ENTPD5: variants seen among roughly 807,000 people sequenced by gnomAD.
ENTPD5 encodes the protein ectonucleoside triphosphate diphosphohydrolase 5 (inactive), also known as nucleoside diphosphate phosphatase ENTPD5.
Under a neutral mutation model 60.2 loss-of-function variants are expected in ENTPD5, and 49 were observed. That is an observed-to-expected ratio of 0.81 (90% CI 0.65 to 1.03). The LOEUF (loss-of-function observed/expected upper bound fraction) is 1.03, where lower values mean the gene tolerates loss of function less well. Ranked by LOEUF, ENTPD5 falls within the 50% of genes least tolerant of loss-of-function variation. ENTPD5 has a pLI of 0.00. For missense variants in ENTPD5, 480 were observed against 507.6 expected, an observed-to-expected ratio of 0.95 and a Z score of 0.52; for synonymous variants, 187 against 185.4, an observed-to-expected ratio of 1.01 and a Z score of -0.07.
At chr14:74,002,376 C>T (rs77880855) in intron 3 of ENTPD5, among the ~76,000 whole-genome samples, 1 of 152,148 alleles carries the variant, frequency 6.6e-6, no homozygotes, top group East Asian at 1.9e-4. Context: ...AGTGAGACTT[C>T]CATCAGGATG....
At chr14:73,972,100 C>T (rs1236020314) in intron 13 of ENTPD5, among the ~76,000 whole-genome samples, 192 bp from the exon 14 acceptor site, 1 of 151,904 alleles carries the variant, frequency 6.6e-6, no homozygotes, top group East Asian at 1.9e-4. Flanking sequence ...CACAATAGGC[C>T]GGGTGTGGTG....
intron 3 of ENTPD5, chr14:74,003,353 T>G (rs138854650): frequency 1.6e-4 from 87 of 549,088 alleles, no homozygotes; most frequent in African/African-American, 1.6e-3. Context: ...TGGGCTAGGG[T>G]TTCTCTCAGC....
At chr14:73,984,278 T>C (rs889348831) in intron 5 of ENTPD5, among the ~76,000 whole-genome samples, 2 of 152,248 alleles carry the variant, frequency 1.3e-5, no homozygotes, top group Non-Finnish European at 2.9e-5. Flanking sequence ...ACTTGCTTGC[T>C]AGCCCTGTGG....
chr14:73,961,471 G>A (rs528712914), downstream of ENTPD5: 5 of 1,614,200 alleles, frequency 3.1e-6, no homozygotes, highest in South Asian at 5.5e-5. Flanking sequence ...AGCCCACAGA[G>A]TCCATCCGCT....
At chr14:73,993,042 T>G (rs1802820740) in intron 3 of ENTPD5, among the ~76,000 whole-genome samples, 1 of 151,988 alleles carries the variant, frequency 6.6e-6, no homozygotes, top group African/African-American at 2.4e-5. Flanking sequence ...TATTTGGAAT[T>G]TTAAAATATT....
At chr14:74,000,633 T>G (rs1301632263) in intron 3 of ENTPD5, among the ~76,000 whole-genome samples, 2 of 150,472 alleles carry the variant, frequency 1.3e-5, no homozygotes, top group African/African-American at 2.5e-5. Context: ...ATACAAAAAT[T>G]GTCCAGGCGT....
At chr14:74,006,467 C>T (rs113079832) in intron 3 of ENTPD5, among the ~76,000 whole-genome samples, 11,935 of 151,658 alleles carry the variant, frequency 0.079, 610 homozygotes, top group South Asian at 0.26. Flanking sequence ...GTATTTTTAG[C>T]AGAGACGGGG....
At chr14:73,973,416 A>G (rs17094448) in intron 12 of ENTPD5, among the ~76,000 whole-genome samples, 9,443 of 152,296 alleles carry the variant, frequency 0.062, 471 homozygotes, top group South Asian at 0.27. Flanking sequence ...CTTGGTTTTA[A>G]GTTTTACTAT....
intron 5 of ENTPD5, 47 bp from the exon 6 acceptor site, chr14:73,983,208 G>C: frequency 6.4e-7 from 1 of 1,573,116 alleles, no homozygotes; most frequent in Non-Finnish European, 8.6e-7. Context: ...CCATTTAGTG[G>C]CTGGCACTGG....
At chr14:73,961,385 T>A (rs556316781), downstream of ENTPD5, 47 of 1,614,048 alleles carry the variant, frequency 2.9e-5, no homozygotes, top group Non-Finnish European at 4.0e-5. Flanking sequence ...GGTAAGACGA[T>A]AACAGAGCAG....
Position 73,973,948 on chromosome 14 carries a change from C to T in ENTPD5, c.815G>A (p.Cys272Tyr), listed in dbSNP as rs2057333957. ...CTCTGCTTCCAACCATCTCGGTAAA[C>T]AGGCACTCCGGAAAGTGTGCCCATC... is the stretch of plus-strand genomic sequence containing the variant. ...GTDGHTFRSA[C>Y]LPRWLEAEWI... The change falls in exon 12 of 16, where the codon TGT (cysteine) becomes TAT (tyrosine). Residue 272 changes from cysteine to tyrosine, a missense_variant. Coordinates refer to ENST00000334696, the MANE Select transcript of ENTPD5 (RefSeq NM_001249.5). 2 of 1,613,978 alleles carry T rather than the reference C, an allele frequency of 1.2e-6. No homozygotes were observed. The highest frequency in any genetic ancestry group is 1.3e-5 in the African/African-American group (1 of 74,906).
intron 8 of ENTPD5, 123 bp downstream of exon 8, chr14:73,976,901 C>A: frequency 1.1e-6 from 1 of 894,866 alleles, no homozygotes; most frequent in Non-Finnish European, 1.7e-6. Context: ...ACTGCCACAC[C>A]CAGCCTCTTT....
Position 73,966,823 on chromosome 14 carries a change from T to C in ENTPD5, c.*105A>G, listed in dbSNP as rs1263987531. 2 of 848,942 alleles carry C rather than the reference T, an allele frequency of 2.4e-6. No homozygotes were observed. The highest frequency in any genetic ancestry group is 2.1e-5 in the Admixed American group (1 of 46,892). 52.6% of individuals were successfully genotyped at this position (848,942 alleles called of 1,614,324 possible). A position where few individuals can be genotyped will look rare whatever the true frequency, so the allele number is the denominator to read the frequency against. The stretch of plus-strand genomic sequence containing the variant: ...GTAAAATTAATTAAACCTAAATCTC[T>C]AGGCTCAAGTCCAGGATGTCCCCAG... On this transcript the variant is annotated 3_prime_UTR_variant, in exon 16 of 16. Coordinates refer to ENST00000334696, the MANE Select transcript of ENTPD5 (RefSeq NM_001249.5).
At chr14:73,985,256 G>A (rs538227924) in intron 5 of ENTPD5, among the ~76,000 whole-genome samples, 2 of 152,086 alleles carry the variant, frequency 1.3e-5, no homozygotes, top group South Asian at 2.1e-4. Flanking sequence ...GGTATATACC[G>A]AGTAATGGGA....
intron 5 of ENTPD5, chr14:73,986,575 T>A (rs2057910383): frequency 4.0e-6 from 2 of 502,518 alleles, no homozygotes; most frequent in Non-Finnish European, 7.2e-6. Context: ...GGGAGTAATC[T>A]CTTAAAAGCT....
downstream of ENTPD5, among the ~76,000 whole-genome samples, chr14:73,957,737 C>T (rs938741945): frequency 2.0e-5 from 3 of 152,020 alleles, no homozygotes; most frequent in Non-Finnish European, 4.4e-5. Flanking sequence ...GGCCATAGAG[C>T]GTATTGTTTT....
At chr14:74,013,130 G>A (rs539376944) in intron 2 of ENTPD5, among the ~76,000 whole-genome samples, 1 of 152,346 alleles carries the variant, frequency 6.6e-6, no homozygotes, top group South Asian at 2.1e-4. Context: ...GTAGGTCTCA[G>A]GTGGGGCCTG....
At chr14:73,992,551 G>T (rs116203626) in intron 3 of ENTPD5, among the ~76,000 whole-genome samples, 2,737 of 152,018 alleles carry the variant, frequency 0.018, 77 homozygotes, top group African/African-American at 0.063. Context: ...AGGCGTGGTG[G>T]CGCATGCCTG....
Position 73,965,284 on chromosome 14 carries a change from G to A in ENTPD5, c.*1644C>T, listed in dbSNP as rs1477641482. The A allele has an allele frequency of 2.0e-5, 3 of 152,164 alleles. No homozygotes were observed. The highest frequency in any genetic ancestry group is 4.4e-5 in the Non-Finnish European group (3 of 68,050). The allele number at this position is 152,164 out of a possible 1,614,324, so 9.4% of individuals were successfully genotyped here. On this transcript the variant is annotated 3_prime_UTR_variant, in exon 16 of 16. Coordinates refer to ENST00000334696, the MANE Select transcript of ENTPD5 (RefSeq NM_001249.5). ...TTGTGAGAGAGAGGATGGAAACGGA[G>A]TCTACTGTGAAAGCCACAAGTTTTG...
Sources: gnomAD v4.1 joint callset for allele counts (sites outside exome capture counted in the v4.1 genomes callset) on GRCh38, gnomAD v4.1.1 for gene constraint, MANE v1.5 for transcripts, NCBI Gene and HGNC (gene_info 2026-07-23, HGNC 2026-07-21) for gene names.